TATDN3: variants seen among roughly 807,000 people sequenced by gnomAD.
TATDN3 encodes TatD DNase domain containing 3, also known as deoxyribonuclease TATDN3.
A neutral mutation model predicts 40.1 loss-of-function variants in TATDN3; 29 were observed. That is an observed-to-expected ratio of 0.72 (90% CI 0.54 to 0.99). TATDN3 has a LOEUF of 0.99. Ranked by LOEUF, TATDN3 falls within the 50% of genes least tolerant of loss-of-function variation. The pLI is 0.00. For missense variants in TATDN3, 309 were observed against 321.9 expected (o/e 0.96, Z 0.31); for synonymous variants, 105 against 117.0 (o/e 0.90, Z 0.66).
chr1:212,806,815 TAC>T lies in TATDN3; in HGVS notation c.488-917_488-916del, dbSNP rs1558083897. ...ACACACACACATATATACACATATA[TAC>T]ACATATATACATATATATACATATA... On this transcript the variant is annotated intron_variant, in intron 7 of 9. Coordinates refer to ENST00000366974, the MANE Select transcript of TATDN3 (RefSeq NM_001042552.3). Among the ~76,000 whole-genome samples, 163 of 120,180 alleles carry T rather than the reference TAC, an allele frequency of 1.4e-3. 12 individuals carry two copies. The highest frequency in any genetic ancestry group is 4.7e-3 in the African/African-American group (154 of 32,816). The allele number at this position is 120,180 out of a possible 152,430, so 78.8% of individuals were successfully genotyped here. A position where few individuals can be genotyped will look rare whatever the true frequency, so the allele number is the denominator to read the frequency against.
intron 7 of TATDN3, among the ~76,000 whole-genome samples, chr1:212,804,935 C>CAAAAT (rs1242808798): frequency 6.6e-6 from 1 of 152,200 alleles, no homozygotes; most frequent in East Asian, 1.9e-4. Context: ...CAAAACAAAA[C>CAAAAT]AAAATTAGCA....
intron 4 of TATDN3, 29 bp downstream of exon 4, chr1:212,797,225 A>T: frequency 6.6e-7 from 1 of 1,526,176 alleles, no homozygotes. Flanking sequence ...AGGAACCATT[A>T]AAAACAAACA....
At chr1:212,794,035 C>T (rs1223187058) in intron 1 of TATDN3, among the ~76,000 whole-genome samples, 10 of 152,114 alleles carry the variant, frequency 6.6e-5, no homozygotes, top group African/African-American at 2.4e-4. Flanking sequence ...AATCTCAGCA[C>T]TTTGGGAGGC....
At chr1:212,794,958 A>T (rs1661641714) in intron 1 of TATDN3, 137 bp from the exon 2 acceptor site, 4 of 691,540 alleles carry the variant, frequency 5.8e-6, no homozygotes, top group Non-Finnish European at 1.0e-5. Context: ...GGGTCAGTGT[A>T]GGCTCTTTGT....
intron 7 of TATDN3, among the ~76,000 whole-genome samples, chr1:212,805,255 C>T (rs546252387): frequency 1.2e-4 from 17 of 144,110 alleles, no homozygotes; most frequent in South Asian, 6.6e-4. Flanking sequence ...GCCACCGTGC[C>T]CACCCTATTT....
intron 4 of TATDN3, among the ~76,000 whole-genome samples, chr1:212,800,529 A>G (rs1051808258): frequency 3.3e-5 from 5 of 151,976 alleles, no homozygotes; most frequent in African/African-American, 1.2e-4. Flanking sequence ...CCACTTTACT[A>G]ATTTCTGTTA....
At chr1:212,806,565 C>T (rs900719421) in intron 7 of TATDN3, among the ~76,000 whole-genome samples, 14 of 150,302 alleles carry the variant, frequency 9.3e-5, no homozygotes, top group Admixed American at 5.3e-4. Context: ...TTCGTAGAAA[C>T]TGGGTTTCAC....
intron 8 of TATDN3, among the ~76,000 whole-genome samples, chr1:212,812,001 A>G (rs964766463): frequency 1.3e-5 from 2 of 148,770 alleles, no homozygotes; most frequent in Non-Finnish European, 3.0e-5. Context: ...GTGCCTGGCA[A>G]TTTTTGTATT....
chr1:212,807,607 T>A (rs1662620042), intron 7 of TATDN3, 129 bp from the exon 8 acceptor site: 2 of 619,066 alleles, frequency 3.2e-6, no homozygotes, highest in Admixed American at 7.0e-5. Flanking sequence ...TTATCCGCCC[T>A]TTAGAAGTTA....
At chr1:212,808,155 A>C (rs1662652519) in intron 8 of TATDN3, among the ~76,000 whole-genome samples, 2 of 152,050 alleles carry the variant, frequency 1.3e-5, no homozygotes, top group Non-Finnish European at 1.5e-5. Context: ...CCTACTAAAA[A>C]TACAAAAATT....
intron 3 of TATDN3, 79 bp downstream of exon 3, chr1:212,796,669 C>A (rs1661785955): frequency 2.0e-6 from 2 of 1,014,032 alleles, no homozygotes; most frequent in Non-Finnish European, 2.9e-6. Context: ...ATCAAAGATC[C>A]ATTTTTAAAG....
chr1:212,808,325 A>C (rs886133460), intron 8 of TATDN3, among the ~76,000 whole-genome samples: 1 of 151,042 alleles, frequency 6.6e-6, no homozygotes, highest in Non-Finnish European at 1.5e-5. Flanking sequence ...AAAAAAAAAA[A>C]AAACTAAAAA....
At chr1:212,797,250 T>C (rs748342841) in intron 4 of TATDN3, 54 bp downstream of exon 4, 4 of 1,339,598 alleles carry the variant, frequency 3.0e-6, no homozygotes, top group African/African-American at 2.9e-5. Flanking sequence ...AAAGAATTAT[T>C]TGACTCAGTA....
At chr1:212,792,709 G>A (rs952892606) in intron 1 of TATDN3, among the ~76,000 whole-genome samples, 2 of 151,130 alleles carry the variant, frequency 1.3e-5, no homozygotes, top group African/African-American at 2.4e-5. Flanking sequence ...GCCGAGTGTG[G>A]TTGCTCACAC....
intron 7 of TATDN3, among the ~76,000 whole-genome samples, chr1:212,805,679 A>G (rs1662419242): frequency 1.3e-5 from 2 of 152,246 alleles, no homozygotes; most frequent in African/African-American, 4.8e-5. Flanking sequence ...CTGCTACTTC[A>G]GAAATGCAGA....
rs554135834 is a variant in TATDN3 at position 212,810,055 on chromosome 1, T to G, written c.601-2193T>G. ...ACATTAATTAATAAAAAAATAAAAT[T>G]TAAATTGCATAAGAACCTTAGATTT... On this transcript the variant is annotated intron_variant, in intron 8 of 9. Transcript: ENST00000366974. Among the ~76,000 whole-genome samples, 7 of 151,566 alleles carry G rather than the reference T, an allele frequency of 4.6e-5. No homozygotes were observed. In the East Asian group the frequency reaches 1.4e-3, roughly 30 times the overall value.
rs1661663907 is a variant in TATDN3, at chr1:212,795,190, C to G, written c.99+63C>G. On this transcript the variant is annotated intron_variant, in intron 2 of 9. Coordinates refer to ENST00000366974, the MANE Select transcript of TATDN3 (RefSeq NM_001042552.3). Reference sequence around the variant, plus strand: ...TTTTAACTATCATTTCAAGCCAAAACAGCTTGAAATTTAGATATACTACCT... The same window carrying G: ...TTTTAACTATCATTTCAAGCCAAAAGAGCTTGAAATTTAGATATACTACCT... 1.0e-5 allele frequency: 13 copies of G among 1,287,278 alleles called. No individual in the cohort carries two copies. In the South Asian group the frequency reaches 1.5e-4, roughly 15 times the overall value. 79.7% of individuals were successfully genotyped at this position (1,287,278 alleles called of 1,614,324 possible). A position where few individuals can be genotyped will look rare whatever the true frequency, so the allele number is the denominator to read the frequency against.
intron 8 of TATDN3, among the ~76,000 whole-genome samples, chr1:212,808,913 T>G (rs1662696654): frequency 6.6e-6 from 1 of 152,218 alleles, no homozygotes; most frequent in Admixed American, 6.5e-5. Context: ...ATAGCAGCAT[T>G]ATTCATAATA....
At chr1:212,806,192 A>G (rs960401221) in intron 7 of TATDN3, among the ~76,000 whole-genome samples, 2 of 152,120 alleles carry the variant, frequency 1.3e-5, no homozygotes, top group African/African-American at 4.8e-5. Flanking sequence ...CACTCTGACT[A>G]TTGAGTTTGT....
Sources: allele counts gnomAD v4.1 joint callset (sites outside exome capture counted in the v4.1 genomes callset), GRCh38; gene constraint gnomAD v4.1.1; transcripts MANE v1.5; gene names NCBI Gene and HGNC (gene_info 2026-07-23, HGNC 2026-07-21).